The following FAM53A variants were observed in gnomAD, a reference collection of about 807,000 sequenced individuals.
The protein encoded by FAM53A is family with sequence similarity 53 member A.
In FAM53A, 28 loss-of-function variants were observed where a neutral mutation model predicts 26.6. The ratio of observed to expected loss-of-function variants is 1.05; its 90% CI spans 0.78 to 1.45. The LOEUF is 1.45. Among genes scored for constraint, FAM53A ranks in the 40% most tolerant of loss-of-function variants. The probability of loss-of-function intolerance (pLI) is 0.00; values close to 1 mark genes in which losing one functional copy is unlikely to be tolerated. For synonymous variants in FAM53A, 290 were observed against 253.1 expected (o/e 1.15, Z -1.38); for missense variants, 650 against 575.8 (o/e 1.13, Z -1.32).
chr4:1,616,524 G>A (rs1016388667), downstream of FAM53A, among the ~76,000 whole-genome samples: 3 of 143,100 alleles, frequency 2.1e-5, no homozygotes, highest in Admixed American at 7.0e-5. Flanking sequence ...TCCGTCTCAC[G>A]TCTCAAAACA....
downstream of FAM53A, among the ~76,000 whole-genome samples, chr4:1,614,317 C>T (rs1432634400): frequency 1.3e-5 from 2 of 150,350 alleles, no homozygotes; most frequent in African/African-American, 2.5e-5. Flanking sequence ...CCAAGCATCA[C>T]CCACCGGCGA....
intron 1 of FAM53A, among the ~76,000 whole-genome samples, chr4:1,632,786 T>G (rs1715666891): frequency 6.6e-6 from 1 of 152,186 alleles, no homozygotes; most frequent in Non-Finnish European, 1.5e-5. Context: ...TATTATACAG[T>G]TGTACATGGA....
At position 1,643,295 on chromosome 4, in the gene FAM53A, T is replaced by C. The variant is rs1486913107; in HGVS notation, c.883-1688A>G. Among the ~76,000 whole-genome samples the C allele has an allele frequency of 2.0e-5, 3 of 151,818 alleles. No homozygotes were observed. In the East Asian group the frequency reaches 5.9e-4, roughly 30 times the overall value. The stretch of plus-strand genomic sequence containing the variant: ...TCCTGGCTAACACGGTGAAGCCCCG[T>C]CTCTACTAAAAATACAAAAAATTAA... On this transcript the variant is annotated intron_variant, in intron 4 of 4. Coordinates refer to ENST00000308132, the MANE Select transcript of FAM53A (RefSeq NM_001174070.3).
the FAM53A span, among the ~76,000 whole-genome samples, chr4:1,598,227 G>A: frequency 6.6e-6 from 1 of 152,226 alleles, no homozygotes; most frequent in Non-Finnish European, 1.5e-5. Context: ...CAGCTCCACC[G>A]AGGCCCTGGG....
the FAM53A span, among the ~76,000 whole-genome samples, chr4:1,591,191 T>C: frequency 1.3e-5 from 2 of 151,962 alleles, no homozygotes; most frequent in Non-Finnish European, 1.5e-5. Flanking sequence ...TTCTGTGCCC[T>C]TTCTCCTTTA....
downstream of FAM53A, among the ~76,000 whole-genome samples, chr4:1,637,471 T>C (rs1715897377): frequency 6.6e-6 from 1 of 151,980 alleles, no homozygotes; most frequent in African/African-American, 2.4e-5. Context: ...GGAGAAGACA[T>C]AGGTGTGGAT....
At chr4:1,644,182 T>C in intron 4 of FAM53A, 1 of 1,535,640 alleles carries the variant, frequency 6.5e-7, no homozygotes. Context: ...GCGGGGACGC[T>C]ACGCACCTTC....
intron 4 of FAM53A, among the ~76,000 whole-genome samples, chr4:1,651,639 A>T (rs1375231903): frequency 6.6e-6 from 1 of 152,022 alleles, no homozygotes; most frequent in Non-Finnish European, 1.5e-5. Context: ...CGGGGTCAAG[A>T]GGAAGGAGGA....
At chr4:1,684,657 C>T (rs1262232344), upstream of FAM53A, among the ~76,000 whole-genome samples, 3 of 151,942 alleles carry the variant, frequency 2.0e-5, no homozygotes, top group African/African-American at 2.4e-5. Flanking sequence ...GCGAGGAGGG[C>T]CCGGTCGGCA....
At chr4:1,620,603 G>C (rs1420479666) in intron 1 of FAM53A, among the ~76,000 whole-genome samples, 1 of 151,972 alleles carries the variant, frequency 6.6e-6, no homozygotes, top group African/African-American at 2.4e-5. Context: ...AGGAAGTGGA[G>C]GTTGCAGTGA....
At chr4:1,661,815 G>A (rs1439205899) in intron 2 of FAM53A, among the ~76,000 whole-genome samples, 1 of 152,002 alleles carries the variant, frequency 6.6e-6, no homozygotes, top group Non-Finnish European at 1.5e-5. Flanking sequence ...TAAAAATCAC[G>A]TCATGATTTG....
chr4:1,610,237 C>T, the FAM53A span, among the ~76,000 whole-genome samples: 1 of 151,760 alleles, frequency 6.6e-6, no homozygotes, highest in Non-Finnish European at 1.5e-5. Flanking sequence ...CCCCACTCAA[C>T]GCGCTGCCCC....
intron 1 of FAM53A, among the ~76,000 whole-genome samples, chr4:1,631,394 G>A (rs551724938): frequency 9.2e-5 from 14 of 152,350 alleles, no homozygotes; most frequent in South Asian, 8.3e-4. Context: ...TTGCAGCCCA[G>A]GCCGTTCCCA....
At chr4:1,614,998 C>T (rs762459891), downstream of FAM53A, among the ~76,000 whole-genome samples, 27 of 152,084 alleles carry the variant, frequency 1.8e-4, no homozygotes, top group Non-Finnish European at 3.8e-4. Context: ...CACACGCAAA[C>T]CACAAAAAAG....
At chr4:1,637,632 G>A (rs969284114), downstream of FAM53A, among the ~76,000 whole-genome samples, 5 of 93,614 alleles carry the variant, frequency 5.3e-5, no homozygotes, top group East Asian at 4.0e-4. Context: ...GGGGCAGCCC[G>A]GCAGGGGTGG....
intron 1 of FAM53A, among the ~76,000 whole-genome samples, chr4:1,629,711 G>A (rs368423688): frequency 8.1e-4 from 123 of 152,334 alleles, no homozygotes; most frequent in African/African-American, 2.9e-3. Context: ...TCAGCCCCTT[G>A]GGAAGAGGGA....
At chr4:1,683,403 T>A (rs1715590386) in intron 1 of FAM53A, 1 of 152,180 alleles carries the variant, frequency 6.6e-6, no homozygotes, top group Non-Finnish European at 1.5e-5. Context: ...CACATTCTTT[T>A]CCTTTTCTGT....
chr4:1,615,087 G>A (rs375862583), downstream of FAM53A, among the ~76,000 whole-genome samples: 297 of 147,142 alleles, frequency 2.0e-3, no homozygotes, highest in African/African-American at 7.2e-3. Context: ...GGCAGGACAC[G>A]ACCACGCCCA....
intron 1 of FAM53A, 39 bp from the exon 2 acceptor site, chr4:1,668,944 G>A (rs1464437794): frequency 1.3e-5 from 7 of 531,004 alleles, no homozygotes; most frequent in Non-Finnish European, 1.3e-5. Flanking sequence ...GTGATTATAC[G>A]CAAAACCATT....
Sources: gnomAD v4.1 joint callset for allele counts (sites outside exome capture counted in the v4.1 genomes callset) on GRCh38, gnomAD v4.1.1 for gene constraint, MANE v1.5 for transcripts, NCBI Gene and HGNC (gene_info 2026-07-23, HGNC 2026-07-21) for gene names.